SUN1: variants seen among roughly 807,000 people sequenced by gnomAD.
SUN1 encodes Sad1 and UNC84 domain containing 1.
A neutral mutation model predicts 103.2 loss-of-function variants in SUN1; 61 were observed. The observed-to-expected ratio is 0.59, with a 90% confidence interval of 0.48 to 0.73. SUN1 has a LOEUF of 0.73. Among genes scored for constraint, SUN1 ranks in the 30% least tolerant of loss-of-function variants. The probability of loss-of-function intolerance (pLI) is 0.00; values close to 1 mark genes in which losing one functional copy is unlikely to be tolerated. For missense variants in SUN1, 1,052 were observed against 1,034.6 expected (o/e 1.02, Z -0.23); for synonymous variants, 490 against 425.7 (o/e 1.15, Z -1.86).
At chr7:852,146 AT>A in intron 7 of SUN1, 103 bp downstream of exon 7, 1 of 1,044,596 alleles carries the variant, frequency 9.6e-7, no homozygotes, top group Non-Finnish European at 1.4e-6. Context: ...TTTAGCTTAT[AT>A]TTACATAGTG....
intron 17 of SUN1, among the ~76,000 whole-genome samples, chr7:870,153 T>C (rs541074470): frequency 6.8e-6 from 1 of 147,702 alleles, no homozygotes; most frequent in East Asian, 2.0e-4. Context: ...TGCCGTGAGC[T>C]GAGATCCTGC....
intron 1 of SUN1, among the ~76,000 whole-genome samples, chr7:825,090 G>A (rs1790286745): frequency 6.6e-6 from 1 of 150,772 alleles, no homozygotes; most frequent in African/African-American, 2.4e-5. Flanking sequence ...GCGGAGTCTT[G>A]CTCGGTCACC....
At chr7:852,709 T>C in intron 8 of SUN1, 42 bp downstream of exon 8, 1 of 1,614,168 alleles carries the variant, frequency 6.2e-7, no homozygotes, top group Admixed American at 1.7e-5. Context: ...GGCTAAGCGG[T>C]ACACACATAT....
intron 14 of SUN1, among the ~76,000 whole-genome samples, chr7:860,878 A>T (rs998484142): frequency 2.0e-4 from 31 of 152,116 alleles, no homozygotes; most frequent in Non-Finnish European, 7.3e-5. Flanking sequence ...TTATAAAACC[A>T]TCAGATCTCC....
intron 16 of SUN1, among the ~76,000 whole-genome samples, chr7:867,223 G>T (rs1365265794): frequency 6.6e-6 from 1 of 152,244 alleles, no homozygotes; most frequent in African/African-American, 2.4e-5. Flanking sequence ...CTTTGCTCCT[G>T]AGGGCACAGC....
At chr7:820,107 A>ATTTT (rs1562464767) in intron 1 of SUN1, among the ~76,000 whole-genome samples, 2 of 152,182 alleles carry the variant, frequency 1.3e-5, no homozygotes, top group African/African-American at 4.8e-5. Context: ...CATATTTGCA[A>ATTTT]AAAAGACCAT....
In SUN1 at chr7:874,313, T is replaced by G. The variant is rs1218276758; in HGVS notation, c.*982T>G. The G allele has an allele frequency of 6.5e-6, 1 of 152,694 alleles. No individual in the cohort carries two copies. Among genetic ancestry groups the G allele is most frequent in the Non-Finnish European group, 1.5e-5 (1 of 68,044 alleles). The allele number at this position is 152,694 out of a possible 1,614,324, so 9.5% of individuals were successfully genotyped here. The stretch of plus-strand genomic sequence containing the variant: ...CTGCCTTTTATCACAGCTGTCACCA[T>G]TCTCACGTGATTCTTGTGAGACTCT... On this transcript the variant is annotated 3_prime_UTR_variant, in exon 19 of 19. Transcript: ENST00000401592.
intron 5 of SUN1, chr7:849,647 G>T: frequency 6.5e-7 from 1 of 1,530,930 alleles, no homozygotes. Flanking sequence ...TCGTGGAGTT[G>T]GTCCCACACG....
rs897665730 is a variant in SUN1 at position 874,471 on chromosome 7, C to A, written c.*1140C>A. The A allele has an allele frequency of 3.9e-5, 6 of 152,626 alleles. No individual in the cohort carries two copies. The highest frequency in any genetic ancestry group is 7.2e-5 in the African/African-American group (3 of 41,442). The allele number at this position is 152,626 out of a possible 1,614,324, so 9.5% of individuals were successfully genotyped here. On this transcript the variant is annotated 3_prime_UTR_variant, in exon 19 of 19. Coordinates refer to ENST00000401592, the MANE Select transcript of SUN1 (RefSeq NM_001130965.3). ...TTATTTAAGTTGTGTTGGGTTAAGA[C>A]AGTTTTCAGTGTACCGTAAATGTTG...
chr7:815,583 AAAAAC>A (rs965109576), upstream of SUN1, among the ~76,000 whole-genome samples: 18 of 152,210 alleles, frequency 1.2e-4, no homozygotes, highest in South Asian at 2.1e-4. Context: ...GTCTCAAAAA[AAAAAC>A]AAAAGAGCAA....
chr7:852,495 T>C, intron 7 of SUN1, 114 bp from the exon 8 acceptor site: 1 of 1,276,932 alleles, frequency 7.8e-7, no homozygotes, highest in Non-Finnish European at 1.1e-6. Context: ...CCGTAACTGC[T>C]TTTCTAATAC....
Position 838,851 on chromosome 7 carries a change from C to G in SUN1, c.131C>G (p.Pro44Arg). 6.3e-7 allele frequency: 1 copy of G among 1,583,214 alleles called. No homozygotes were observed. Among genetic ancestry groups the G allele is most frequent in the Non-Finnish European group, 8.6e-7 (1 of 1,164,020 alleles). ...LDFETEHKLD[P>R]VFDSPRMSRR... ...TTTGAGACGGAGCACAAATTGGACC[C>G]TGTATTTGATTCTCCACGGATGTCC... Residue 44 changes from proline to arginine, a missense_variant, in exon 2 of 19, where the codon CCT (proline) becomes CGT (arginine). This residue lies in a region of SUN1 where 846 missense variants were observed against 774.5 expected (regional missense o/e 1.09). Transcript: ENST00000401592.
chr7:872,219 A>G (rs191516175), intron 17 of SUN1, among the ~76,000 whole-genome samples: 1 of 152,236 alleles, frequency 6.6e-6, no homozygotes, highest in East Asian at 1.9e-4. Flanking sequence ...TTTTGGCCTC[A>G]GTTTTCCTAA....
chr7:857,191 G>A lies in SUN1; in HGVS notation c.1395-637G>A, dbSNP rs964331880. Among the ~76,000 whole-genome samples the A allele has an allele frequency of 4.6e-5, 7 of 152,304 alleles. No individual in the cohort carries two copies. The East Asian group carries it at 1.4e-3, about 29-fold the overall frequency. ...ATTCGGCAGCCTTGGCTTGGTTGTG[G>A]TTTCCCGAGGTCCCCGCGTCTGCAC... On this transcript the variant is annotated intron_variant, in intron 12 of 18. Coordinates refer to ENST00000401592, the MANE Select transcript of SUN1 (RefSeq NM_001130965.3).
At chr7:835,441 A>G (rs1435270657) in intron 1 of SUN1, among the ~76,000 whole-genome samples, 1 of 152,246 alleles carries the variant, frequency 6.6e-6, no homozygotes, top group African/African-American at 2.4e-5. Context: ...TTCTTAATGT[A>G]TTTAGTCAGT....
intron 1 of SUN1, among the ~76,000 whole-genome samples, chr7:825,281 C>T (rs1004675269): frequency 6.6e-6 from 1 of 152,302 alleles, no homozygotes; most frequent in East Asian, 1.9e-4. Flanking sequence ...TCAGGTTGGT[C>T]TTGATCTCCT....
In SUN1 at chr7:840,416, G is replaced by A. The variant is rs562564464; in HGVS notation, c.266+1430G>A. On this transcript the variant is annotated intron_variant, in intron 2 of 18. Coordinates refer to ENST00000401592, the MANE Select transcript of SUN1 (RefSeq NM_001130965.3). ...TGTGCTGCAGCTGTACTGCCACGCCGCGCTCTGCCGCGCCACGCTCCTGTG... is the reference window on the plus strand; with the variant it reads ...TGTGCTGCAGCTGTACTGCCACGCCACGCTCTGCCGCGCCACGCTCCTGTG... Among the ~76,000 whole-genome samples, 7 of 152,302 alleles carry A rather than the reference G, an allele frequency of 4.6e-5. No individual in the cohort carries two copies. In the South Asian group the frequency reaches 1.4e-3, roughly 32 times the overall value.
intron 15 of SUN1, among the ~76,000 whole-genome samples, chr7:863,968 T>C (rs1482425414): frequency 6.6e-6 from 1 of 152,236 alleles, no homozygotes; most frequent in African/African-American, 2.4e-5. Context: ...GGAGGTTCTT[T>C]GTATATGTAA....
rs1836248314 is a variant in SUN1 at position 866,076 on chromosome 7, C to A, written c.1980+9C>A. 2 of 1,612,404 alleles carry A rather than the reference C, an allele frequency of 1.2e-6. No homozygotes were observed. The highest frequency in any genetic ancestry group is 1.3e-5 in the African/African-American group (1 of 74,996). On this transcript the variant is annotated intron_variant, in intron 16 of 18. Coordinates refer to ENST00000401592, the MANE Select transcript of SUN1 (RefSeq NM_001130965.3). ...CGCGCGTGGTCATCCAGGTGAGTGGCCGCCGGTGGCCGGAGCTGCTCCTCT... is the reference window on the plus strand; with the variant it reads ...CGCGCGTGGTCATCCAGGTGAGTGGACGCCGGTGGCCGGAGCTGCTCCTCT...
Sources: allele counts gnomAD v4.1 joint callset (sites outside exome capture counted in the v4.1 genomes callset), GRCh38; gene constraint gnomAD v4.1.1; regional missense constraint gnomAD v4.1.1; transcripts MANE v1.5; gene names NCBI Gene and HGNC (gene_info 2026-07-23, HGNC 2026-07-21).